Variants in RBFOX1 observed in about 807,000 individuals in gnomAD.
RBFOX1 encodes the protein RNA binding fox-1 homolog 1.
Under a neutral mutation model 57.7 loss-of-function variants are expected in RBFOX1, and 8 were observed. The ratio of observed to expected loss-of-function variants is 0.14; its 90% CI spans 0.08 to 0.25. The LOEUF (loss-of-function observed/expected upper bound fraction) is 0.25, where lower values mean the gene tolerates loss of function less well. Ranked by LOEUF, RBFOX1 falls within the 10% of genes least tolerant of loss-of-function variation. RBFOX1 has a pLI of 1.00. For missense variants in RBFOX1, 611 were observed against 548.5 expected (o/e 1.11, Z -1.14); for synonymous variants, 326 against 222.4 (o/e 1.47, Z -4.15).
chr16:6,309,096 C>G (rs2079911662), intron 1 of RBFOX1, among the ~76,000 whole-genome samples: 4 of 151,982 alleles, frequency 2.6e-5, no homozygotes, highest in Non-Finnish European at 5.9e-5. Flanking sequence ...TCCTTTCAAA[C>G]CACTGCGTTC....
chr16:5,564,000 G>A (rs2045976031), intron 2 of RBFOX1, among the ~76,000 whole-genome samples: 1 of 152,050 alleles, frequency 6.6e-6, no homozygotes, highest in African/African-American at 2.4e-5. Flanking sequence ...CAGTGTGTAG[G>A]AGAGAGTTTT....
At chr16:6,318,307 G>A (rs1162371384) in intron 2 of RBFOX1, among the ~76,000 whole-genome samples, 1 of 152,148 alleles carries the variant, frequency 6.6e-6, no homozygotes, top group African/African-American at 2.4e-5. Context: ...ATCTTTTCAT[G>A]CCTTTGAAGT....
intron 10 of RBFOX1, among the ~76,000 whole-genome samples, chr16:7,610,848 T>C (rs1596461133): frequency 6.6e-6 from 1 of 152,228 alleles, no homozygotes; most frequent in African/African-American, 2.4e-5. Flanking sequence ...GGTATAATTA[T>C]TACTGTCACG....
intron 4 of RBFOX1, among the ~76,000 whole-genome samples, chr16:7,423,449 A>G (rs1180463105): frequency 6.6e-6 from 1 of 152,158 alleles, no homozygotes; most frequent in African/African-American, 2.4e-5. Flanking sequence ...TACTTCTGCC[A>G]GCAGAATGGT....
rs182219221 is a variant in RBFOX1, at chr16:7,643,856, G to A, written c.758-9959G>A. 5.1e-3 allele frequency among the ~76,000 whole-genome samples: 775 copies of A among 152,240 alleles called. 7 individuals carry two copies. Among genetic ancestry groups the A allele is most frequent in the Middle Eastern group, 0.01 (3 of 294 alleles). On this transcript the variant is annotated intron_variant, in intron 11 of 15. Transcript: ENST00000550418. Reference sequence around the variant, plus strand: ...AACTTAAGTATCTAACAGAAGAAATGGCGGGCACACACACAGACCCTCTAA... The same window carrying A: ...AACTTAAGTATCTAACAGAAGAAATAGCGGGCACACACACAGACCCTCTAA...
intron 2 of RBFOX1, among the ~76,000 whole-genome samples, chr16:6,375,897 T>C (rs1308860491): frequency 6.6e-6 from 1 of 152,174 alleles, no homozygotes; most frequent in African/African-American, 2.4e-5. Context: ...CCTATTATCC[T>C]ACACATGTCT....
At chr16:7,116,188 G>A (rs967175406) in intron 4 of RBFOX1, among the ~76,000 whole-genome samples, 5 of 152,090 alleles carry the variant, frequency 3.3e-5, no homozygotes, top group African/African-American at 1.2e-4. Context: ...TTCACCAGTT[G>A]CATCTTAGGT....
intron 4 of RBFOX1, among the ~76,000 whole-genome samples, chr16:7,245,257 A>C (rs1179915233): frequency 3.3e-5 from 5 of 152,304 alleles, no homozygotes; most frequent in African/African-American, 9.6e-5. Context: ...GATTTTGAGT[A>C]ATTTTCTTTG....
intron 4 of RBFOX1, among the ~76,000 whole-genome samples, chr16:5,870,163 A>C (rs1458949016): frequency 3.3e-5 from 5 of 149,362 alleles, no homozygotes; most frequent in African/African-American, 1.2e-4. Flanking sequence ...TTTATATATA[A>C]AAAATAAACA....
intron 2 of RBFOX1, among the ~76,000 whole-genome samples, chr16:6,351,363 TATATATATA>T (rs2086336344): frequency 1.0e-5 from 1 of 98,612 alleles, no homozygotes; most frequent in African/African-American, 5.1e-5. Flanking sequence ...TATATATATA[TATATATATA>T]TTTTTTTTTT....
intron 3 of RBFOX1, among the ~76,000 whole-genome samples, chr16:5,752,739 G>A (rs1464552283): frequency 1.3e-5 from 2 of 152,184 alleles, no homozygotes; most frequent in African/African-American, 4.8e-5. Context: ...TGAAATGGCT[G>A]AGTAATTTTG....
chr16:7,157,231 G>C (rs1365198442), intron 4 of RBFOX1, among the ~76,000 whole-genome samples: 1 of 152,194 alleles, frequency 6.6e-6, no homozygotes, highest in African/African-American at 2.4e-5. Flanking sequence ...GCATTGGCTG[G>C]CAGCTGCCTG....
chr16:7,003,659 T>C (rs543017906), intron 3 of RBFOX1, among the ~76,000 whole-genome samples: 16 of 152,162 alleles, frequency 1.1e-4, no homozygotes, highest in Non-Finnish European at 1.9e-4. Flanking sequence ...TTGATACATG[T>C]AGCATCAAAG....
At chr16:7,709,022 TGTGG>T (rs2083411073) in intron 14 of RBFOX1, 30 bp from the exon 15 acceptor site, 2 of 1,565,282 alleles carry the variant, frequency 1.3e-6, no homozygotes, top group African/African-American at 2.7e-5. Context: ...AATTGCATAC[TGTGG>T]ATCAATCTTC....
At chr16:6,570,684 G>C (rs1433087324) in intron 2 of RBFOX1, among the ~76,000 whole-genome samples, 1 of 152,144 alleles carries the variant, frequency 6.6e-6, no homozygotes, top group Non-Finnish European at 1.5e-5. Flanking sequence ...ATATGTAGAT[G>C]ATTTTGCAGT....
chr16:6,596,996 G>T (rs1005619030), intron 2 of RBFOX1, among the ~76,000 whole-genome samples: 2 of 152,100 alleles, frequency 1.3e-5, no homozygotes, highest in Admixed American at 1.3e-4. Flanking sequence ...CTCGAGAGGG[G>T]AACTTACTGG....
rs565844614 is a variant in RBFOX1 at position 7,326,157 on chromosome 16, C to G, written c.28-191990C>G. On this transcript the variant is annotated intron_variant, in intron 4 of 15. Transcript: ENST00000550418. ...CTCAAATACTTATTGAGCAACTACT[C>G]TGTGCCCAGTCCTGGGTGAATGGCA... Among the ~76,000 whole-genome samples, 42 of 152,298 alleles carry G rather than the reference C, an allele frequency of 2.8e-4. No homozygotes were observed. In the South Asian group the frequency reaches 7.7e-3, roughly 28 times the overall value.
intron 1 of RBFOX1, among the ~76,000 whole-genome samples, chr16:6,096,335 C>T (rs541129100): frequency 1.3e-5 from 2 of 152,228 alleles, no homozygotes; most frequent in East Asian, 3.9e-4. Context: ...AAATCGTTCC[C>T]CAGATGCATT....
At chr16:7,199,673 C>A (rs933570622) in intron 4 of RBFOX1, among the ~76,000 whole-genome samples, 1 of 152,152 alleles carries the variant, frequency 6.6e-6, no homozygotes, top group Non-Finnish European at 1.5e-5. Flanking sequence ...GCAGACCAAT[C>A]ATTTGAGGTC....
Sources: gnomAD v4.1 joint callset for allele counts (sites outside exome capture counted in the v4.1 genomes callset) on GRCh38, gnomAD v4.1.1 for gene constraint, MANE v1.5 for transcripts, NCBI Gene and HGNC (gene_info 2026-07-23, HGNC 2026-07-21) for gene names.